PRORP: variants seen among roughly 807,000 people sequenced by gnomAD.
PRORP encodes the protein mitochondrial ribonuclease P catalytic subunit.
Under a neutral mutation model 59.4 loss-of-function variants are expected in PRORP, and 51 were observed. The ratio of observed to expected loss-of-function variants is 0.86; its 90% confidence interval spans 0.69 to 1.08. PRORP has a LOEUF of 1.08. Ranked by LOEUF, PRORP falls within the 50% of genes least tolerant of loss-of-function variation. PRORP has a pLI of 0.00. For missense variants in PRORP, 646 were observed against 690.3 expected (o/e 0.94, Z 0.72); for synonymous variants, 231 against 245.6 (o/e 0.94, Z 0.55).
chr14:35,166,083 C>T (rs2048177581), intron 4 of PRORP, among the ~76,000 whole-genome samples: 1 of 152,108 alleles, frequency 6.6e-6, no homozygotes, highest in African/African-American at 2.4e-5. Flanking sequence ...CCTTCTGAGG[C>T]TTAAAAGTTG....
In PRORP at chr14:35,256,248, T is replaced by A. The variant is rs1352560759; in HGVS notation, c.1276-10479T>A. Reference sequence around the variant, plus strand: ...GCAGTGAGCTGAGATTGCACCACCGTACTCCAGCCTGGGTGACAGAGCGAG... The same window carrying A: ...GCAGTGAGCTGAGATTGCACCACCGAACTCCAGCCTGGGTGACAGAGCGAG... On this transcript the variant is annotated intron_variant, in intron 5 of 7. Transcript: ENST00000534898. 5.7e-4 allele frequency among the ~76,000 whole-genome samples: 75 copies of A among 132,454 alleles called. 1 individual carries two copies. The highest frequency in any genetic ancestry group is 7.5e-4 in the Non-Finnish European group (48 of 63,632). 86.9% of individuals were successfully genotyped at this position (132,454 alleles called of 152,430 possible). A position where few individuals can be genotyped will look rare whatever the true frequency, so the allele number is the denominator to read the frequency against.
At chr14:35,225,566 C>T (rs1252348230) in intron 5 of PRORP, among the ~76,000 whole-genome samples, 15 of 151,988 alleles carry the variant, frequency 9.9e-5, no homozygotes, top group African/African-American at 3.1e-4. Flanking sequence ...AGGCTGGTCT[C>T]GAACTCCTGA....
At chr14:35,191,243 T>C (rs2139085630) in intron 5 of PRORP, among the ~76,000 whole-genome samples, 1 of 152,244 alleles carries the variant, frequency 6.6e-6, no homozygotes, top group Middle Eastern at 3.4e-3. Context: ...GATCTGATGG[T>C]TTTATAAGAG....
At position 35,221,573 on chromosome 14, in the gene PRORP, C is replaced by G. The variant is rs535212006; in HGVS notation, c.1275+40796C>G. On this transcript the variant is annotated intron_variant, in intron 5 of 7. Transcript: ENST00000534898. ...AAACGAGTGCCTTAGTCACCTCACC[C>G]TGGCTCCAGCCCTACAACCAGGACA... Among the ~76,000 whole-genome samples, 4 of 152,272 alleles carry G rather than the reference C, an allele frequency of 2.6e-5. No individual in the cohort carries two copies. The East Asian group carries it at 5.8e-4, about 22-fold the overall frequency.
chr14:35,193,169 G>A (rs74043855), intron 5 of PRORP, among the ~76,000 whole-genome samples: 24 of 152,220 alleles, frequency 1.6e-4, no homozygotes, highest in African/African-American at 5.5e-4. Context: ...TGTATGGGGG[G>A]AAAAGCACAT....
At chr14:35,200,995 C>T (rs986460787) in intron 5 of PRORP, among the ~76,000 whole-genome samples, 3 of 152,058 alleles carry the variant, frequency 2.0e-5, no homozygotes, top group Admixed American at 2.0e-4. Flanking sequence ...GACTTTTCTT[C>T]AGTTTTGATG....
chr14:35,175,179 T>A (rs1227397397), intron 4 of PRORP, among the ~76,000 whole-genome samples: 2 of 152,090 alleles, frequency 1.3e-5, no homozygotes. Flanking sequence ...TCTTTGCTAT[T>A]GTGAACAGTG....
At position 35,123,199 on chromosome 14, in the gene PRORP, G is replaced by GT. The variant is rs2046981274; in HGVS notation, c.-41dup. 3.2e-6 allele frequency: 5 copies of GT among 1,558,344 alleles called. No individual in the cohort carries two copies. Among genetic ancestry groups the GT allele is most frequent in the Admixed American group, 1.9e-5 (1 of 53,276 alleles). On this transcript the variant is annotated 5_prime_UTR_variant, in exon 2 of 8. Coordinates refer to ENST00000534898, the MANE Select transcript of PRORP (RefSeq NM_014672.4). ...TCTTTAATTTTGCCATAGAAGAGGGGTTTTTTCAACATCTCTCTCACTATC... is the reference window on the plus strand; with the variant it reads ...TCTTTAATTTTGCCATAGAAGAGGGGTTTTTTTCAACATCTCTCTCACTATC...
intron 5 of PRORP, among the ~76,000 whole-genome samples, chr14:35,193,236 CTG>C (rs2048928493): frequency 6.6e-6 from 1 of 152,122 alleles, no homozygotes; most frequent in Non-Finnish European, 1.5e-5. Flanking sequence ...CTGTGGATAA[CTG>C]AGAATTGGTT....
Position 35,138,302 on chromosome 14 carries a change from C to T in PRORP, c.1167+10691C>T, listed in dbSNP as rs941674811. Among the ~76,000 whole-genome samples the T allele has an allele frequency of 4.8e-5, 7 of 145,948 alleles. 1 individual carries two copies. The highest frequency in any genetic ancestry group is 1.2e-4 in the African/African-American group (5 of 41,076). ...CCAAATACAGTCACATTCTGAAATA[C>T]TATGGGCTGAGACTTCAACATATGA... On this transcript the variant is annotated intron_variant, in intron 4 of 7. Transcript: ENST00000534898.
intron 4 of PRORP, among the ~76,000 whole-genome samples, chr14:35,174,340 C>T (rs1192172112): frequency 2.0e-5 from 3 of 151,966 alleles, no homozygotes; most frequent in Non-Finnish European, 4.4e-5. Context: ...CAAACTATTC[C>T]ATCATTACCA....
At chr14:35,273,336 T>C (rs948177859) in intron 7 of PRORP, 99 bp from the exon 8 acceptor site, 2 of 1,173,790 alleles carry the variant, frequency 1.7e-6, no homozygotes, top group African/African-American at 3.1e-5. Context: ...CCATTATCAA[T>C]ACTCTTCTGG....
intron 5 of PRORP, among the ~76,000 whole-genome samples, chr14:35,213,239 T>C (rs2049496402): frequency 6.6e-6 from 1 of 152,266 alleles, no homozygotes; most frequent in Non-Finnish European, 1.5e-5. Flanking sequence ...TCTTTATCGT[T>C]TGCGTGTTCA....
At chr14:35,236,231 T>C (rs936679103) in intron 5 of PRORP, among the ~76,000 whole-genome samples, 1 of 152,224 alleles carries the variant, frequency 6.6e-6, no homozygotes, top group Non-Finnish European at 1.5e-5. Context: ...CTTTCCCGTG[T>C]AACACACTGT....
chr14:35,152,640 G>A (rs577601826), intron 4 of PRORP, among the ~76,000 whole-genome samples: 3 of 151,906 alleles, frequency 2.0e-5, no homozygotes, highest in East Asian at 1.9e-4. Context: ...CAGACAGGGC[G>A]GCTGCCTGGC....
chr14:35,273,361 G>T (rs535064014), intron 7 of PRORP, 74 bp from the exon 8 acceptor site: 1 of 1,423,428 alleles, frequency 7.0e-7, no homozygotes, highest in Non-Finnish European at 9.4e-7. Context: ...AACTTGAGAA[G>T]TGTCAGAAAG....
At chr14:35,190,695 G>A (rs1486456824) in intron 5 of PRORP, among the ~76,000 whole-genome samples, 3 of 151,704 alleles carry the variant, frequency 2.0e-5, no homozygotes, top group Non-Finnish European at 2.9e-5. Context: ...TAGTAGAGGC[G>A]GGGTTTCACC....
At chr14:35,259,216 G>A (rs942891391) in intron 5 of PRORP, among the ~76,000 whole-genome samples, 2 of 152,246 alleles carry the variant, frequency 1.3e-5, no homozygotes, top group South Asian at 2.1e-4. Flanking sequence ...TGTGTCTCTG[G>A]TAATTTTCTC....
intron 4 of PRORP, among the ~76,000 whole-genome samples, chr14:35,147,836 G>T (rs2047648235): frequency 6.6e-6 from 1 of 152,118 alleles, no homozygotes. Context: ...TAAATTCTTT[G>T]TTATCATTTT....
Sources: gnomAD v4.1 joint callset for allele counts (sites outside exome capture counted in the v4.1 genomes callset) on GRCh38, gnomAD v4.1.1 for gene constraint, MANE v1.5 for transcripts, NCBI Gene and HGNC (gene_info 2026-07-23, HGNC 2026-07-21) for gene names.